Variants in HOMER1 observed in about 807,000 individuals in gnomAD.
HOMER1 encodes homer scaffold protein 1.
In HOMER1, 3 loss-of-function variants were observed where a neutral mutation model predicts 48.9. The observed-to-expected ratio is 0.06, with a 90% CI of 0.03 to 0.16. The LOEUF is 0.16. HOMER1 is among the 10% of genes least tolerant of loss of function. The probability of loss-of-function intolerance (pLI) is 1.00; values close to 1 mark genes in which losing one functional copy is unlikely to be tolerated. For missense variants in HOMER1, 247 were observed against 411.4 expected, an observed-to-expected ratio of 0.60 and a Z score of 3.46; for synonymous variants, 134 against 146.4, an observed-to-expected ratio of 0.92 and a Z score of 0.61.
intron 1 of HOMER1, among the ~76,000 whole-genome samples, chr5:79,483,828 G>A (rs1459445360): frequency 5.3e-5 from 8 of 151,430 alleles, no homozygotes; most frequent in Non-Finnish European, 1.2e-4. Context: ...GCCGAGGTGG[G>A]TGGATCACCT....
intron 5 of HOMER1, among the ~76,000 whole-genome samples, chr5:79,417,145 CTTT>C (rs34190629): frequency 2.1e-5 from 3 of 142,978 alleles, no homozygotes; most frequent in East Asian, 2.0e-4. Flanking sequence ...CGCACCCCTA[CTTT>C]TTTTTTTTTT....
intron 1 of HOMER1, among the ~76,000 whole-genome samples, chr5:79,468,438 TTTACA>T (rs1418813378): frequency 2.6e-5 from 4 of 152,234 alleles, no homozygotes; most frequent in African/African-American, 7.2e-5. Context: ...CTCCATGACT[TTTACA>T]TTAATCACTT....
chr5:79,427,991 T>G (rs1283601677), intron 5 of HOMER1, among the ~76,000 whole-genome samples: 2 of 152,190 alleles, frequency 1.3e-5, no homozygotes, highest in Non-Finnish European at 2.9e-5. Context: ...GAGAAAATGC[T>G]AGAAGACAGG....
chr5:79,415,222 T>C (rs1473018430), intron 5 of HOMER1, among the ~76,000 whole-genome samples: 1 of 151,680 alleles, frequency 6.6e-6, no homozygotes, highest in African/African-American at 2.4e-5. Context: ...CCTGGCTATT[T>C]TTTGTATTTT....
At chr5:79,416,294 G>T (rs1030441712) in intron 5 of HOMER1, among the ~76,000 whole-genome samples, 13 of 152,250 alleles carry the variant, frequency 8.5e-5, no homozygotes, top group Admixed American at 3.3e-4. Flanking sequence ...AATAAATTTA[G>T]CAAGTTAATG....
intron 1 of HOMER1, among the ~76,000 whole-genome samples, chr5:79,474,206 A>ATTTTTTTT (rs1009644672): frequency 1.0e-5 from 1 of 98,748 alleles, no homozygotes. Context: ...CCCAACCAAA[A>ATTTTTTTT]TTTTTTTTTT....
chr5:79,460,754 C>T (rs778516036), intron 1 of HOMER1, among the ~76,000 whole-genome samples: 8 of 152,120 alleles, frequency 5.3e-5, no homozygotes, highest in East Asian at 3.9e-4. Context: ...CATCCAGGAA[C>T]GCCGCTAAAC....
At chr5:79,400,110 T>C (rs1490882248) in intron 6 of HOMER1, among the ~76,000 whole-genome samples, 1 of 151,990 alleles carries the variant, frequency 6.6e-6, no homozygotes, top group South Asian at 2.1e-4. Context: ...AAAAAACATA[T>C]ATCATAAAAT....
chr5:79,505,196 T>C (rs1580047335), intron 1 of HOMER1, among the ~76,000 whole-genome samples: 1 of 151,788 alleles, frequency 6.6e-6, no homozygotes, highest in Admixed American at 6.6e-5. Flanking sequence ...GACATGGAGG[T>C]TGCAGTGAGC....
chr5:79,428,308 G>A (rs1750326293), intron 5 of HOMER1, among the ~76,000 whole-genome samples: 1 of 152,056 alleles, frequency 6.6e-6, no homozygotes, highest in Non-Finnish European at 1.5e-5. Flanking sequence ...CTGATAAAGA[G>A]CATCTATGAA....
At position 79,484,497 on chromosome 5, in the gene HOMER1, G is replaced by T. The variant is rs956371210; in HGVS notation, c.6-27479C>A. ...TCCCAGCTACCTGGGAGGCTGAGGT[G>T]AGCTCAGGAATTTGAAGTCCAGCCT... On this transcript the variant is annotated intron_variant, in intron 1 of 8. Coordinates refer to ENST00000334082, the MANE Select transcript of HOMER1 (RefSeq NM_004272.5). Among the ~76,000 whole-genome samples, 28 of 151,996 alleles carry T rather than the reference G, an allele frequency of 1.8e-4. 1 individual carries two copies.
intron 1 of HOMER1, among the ~76,000 whole-genome samples, chr5:79,465,030 AT>A (rs113991070): frequency 0.017 from 2,481 of 148,224 alleles, 61 homozygotes; most frequent in East Asian, 0.074. Flanking sequence ...TTCTGGAAGG[AT>A]TTTTTTTTTT....
intron 4 of HOMER1, 40 bp downstream of exon 4, chr5:79,447,013 G>A: frequency 8.4e-7 from 1 of 1,196,150 alleles, no homozygotes; most frequent in South Asian, 1.2e-5. Context: ...TATCTGAAAT[G>A]AACAAGGTTC....
intron 2 of HOMER1, among the ~76,000 whole-genome samples, chr5:79,452,103 C>T (rs77938134): frequency 6.6e-5 from 10 of 152,224 alleles, no homozygotes; most frequent in Non-Finnish European, 1.5e-4. Context: ...CCTGCATATA[C>T]GAGGTCAACT....
chr5:79,482,315 A>C (rs2112343447), intron 1 of HOMER1, among the ~76,000 whole-genome samples: 2 of 152,338 alleles, frequency 1.3e-5, no homozygotes, highest in South Asian at 4.1e-4. Context: ...ATAACCCATA[A>C]TGAGCAGGAA....
chr5:79,470,047 G>A (rs1050819744), intron 1 of HOMER1, among the ~76,000 whole-genome samples: 2 of 152,056 alleles, frequency 1.3e-5, no homozygotes. Flanking sequence ...TATAATACAG[G>A]AATACAATAA....
At chr5:79,424,431 A>T (rs368528346) in intron 5 of HOMER1, among the ~76,000 whole-genome samples, 4 of 152,220 alleles carry the variant, frequency 2.6e-5, no homozygotes, top group African/African-American at 9.6e-5. Context: ...AAGGATATGC[A>T]TCGATAAATC....
At chr5:79,479,063 G>C (rs1276357311) in intron 1 of HOMER1, among the ~76,000 whole-genome samples, 1 of 152,116 alleles carries the variant, frequency 6.6e-6, no homozygotes, top group Non-Finnish European at 1.5e-5. Context: ...TTTTTCTTCT[G>C]AATCATCACA....
At chr5:79,410,095 TATA>T (rs762323669) in intron 5 of HOMER1, among the ~76,000 whole-genome samples, 99 of 152,354 alleles carry the variant, frequency 6.5e-4, no homozygotes, top group Non-Finnish European at 1.2e-3. Flanking sequence ...AATAAATTTT[TATA>T]ATAAAACATA....
Sources: allele counts gnomAD v4.1 joint callset (sites outside exome capture counted in the v4.1 genomes callset), GRCh38; gene constraint gnomAD v4.1.1; transcripts MANE v1.5; gene names NCBI Gene and HGNC (gene_info 2026-07-23, HGNC 2026-07-21).